INSR: variants seen among roughly 807,000 people sequenced by gnomAD.
INSR encodes the protein IR.
Under a neutral mutation model 142.6 loss-of-function variants are expected in INSR, and 67 were observed. The observed-to-expected ratio is 0.47, with a 90% CI of 0.39 to 0.58. The LOEUF (loss-of-function observed/expected upper bound fraction) is 0.58. INSR is among the 20% of genes least tolerant of loss of function. The probability of loss-of-function intolerance (pLI) is 0.00; values close to 1 mark genes in which losing one functional copy is unlikely to be tolerated. For synonymous variants in INSR, 756 were observed against 743.1 expected (o/e 1.02, Z -0.28); for missense variants, 1,248 against 1,833.2 (o/e 0.68, Z 5.83).
intron 2 of INSR, among the ~76,000 whole-genome samples, chr19:7,248,498 A>AG (rs1976602844): frequency 6.9e-6 from 1 of 144,108 alleles, no homozygotes; most frequent in Admixed American, 7.0e-5. Context: ...AAAAAAAAAA[A>AG]AAAAAAAAAA....
At chr19:7,188,223 A>G (rs1464067686) in intron 2 of INSR, among the ~76,000 whole-genome samples, 1 of 151,714 alleles carries the variant, frequency 6.6e-6, no homozygotes, top group African/African-American at 2.4e-5. Flanking sequence ...ATCTCATTAC[A>G]TTTTCCTTAT....
chr19:7,125,451 C>A lies in INSR; in HGVS notation c.3090G>T (p.Gly1030=). Residue 1030 remains glycine, a synonymous_variant, in exon 17 of 22, where the codon GGG becomes GGT. Coordinates refer to ENST00000302850, the MANE Select transcript of INSR (RefSeq NM_000208.4). The surrounding 1 kb of genome is among the most constrained non-coding windows in gnomAD (Gnocchi z 4.9). ...REKITLLREL[G]QGSFGMVYEG... Reference sequence around the variant, plus strand: ...CATACACCATGCCGAAGGAGCCCTGCCCCAGCTCTCGAAGGAGGGTGATCT... The same window carrying A: ...CATACACCATGCCGAAGGAGCCCTGACCCAGCTCTCGAAGGAGGGTGATCT... 2 of 1,614,138 alleles carry A rather than the reference C, an allele frequency of 1.2e-6. No individual in the cohort carries two copies. The highest frequency in any genetic ancestry group is 2.2e-5 in the East Asian group (1 of 44,878).
chr19:7,122,491 AAAAG>A (rs1331089790), intron 19 of INSR, 119 bp downstream of exon 19: 18 of 1,031,474 alleles, frequency 1.7e-5, no homozygotes, highest in Admixed American at 7.2e-5. Flanking sequence ...CCACAAAAAA[AAAAG>A]AAGTATCTTG....
At position 7,166,147 on chromosome 19, in the gene INSR, C is replaced by T; in HGVS notation, c.1861+7G>A. 6.2e-7 allele frequency: 1 copy of T among 1,613,978 alleles called. No individual in the cohort carries two copies. Among genetic ancestry groups the T allele is most frequent in the South Asian group, 1.1e-5 (1 of 91,078 alleles). On this transcript the variant is annotated splice_region_variant and intron_variant, in intron 8 of 21. Coordinates refer to ENST00000302850, the MANE Select transcript of INSR (RefSeq NM_000208.4). This position sits in a 1 kb window ranked among gnomAD's most constrained non-coding sequence, Gnocchi z 4.1. ...CATACGAATTCACATTCCCAAGACACACTCACTGGTGGCATCTGTCTGGAC... is the reference window on the plus strand; with the variant it reads ...CATACGAATTCACATTCCCAAGACATACTCACTGGTGGCATCTGTCTGGAC...
chr19:7,262,935 C>T (rs1977108288), intron 2 of INSR, among the ~76,000 whole-genome samples: 1 of 152,144 alleles, frequency 6.6e-6, no homozygotes, highest in East Asian at 1.9e-4. Flanking sequence ...GTGATGGTTG[C>T]AAAACCACGT....
chr19:7,182,384 A>G (rs1410545704), intron 3 of INSR, among the ~76,000 whole-genome samples: 1 of 151,932 alleles, frequency 6.6e-6, no homozygotes, highest in Non-Finnish European at 1.5e-5. Flanking sequence ...TTGCTGCCTC[A>G]CACCTGTAAT....
At chr19:7,137,617 GTCT>G (rs1394743008) in intron 13 of INSR, among the ~76,000 whole-genome samples, 10 of 151,780 alleles carry the variant, frequency 6.6e-5, no homozygotes, top group African/African-American at 2.4e-4. Flanking sequence ...GTGAAACCTC[GTCT>G]CCATTAAAAA....
chr19:7,196,061 G>T lies in INSR; in HGVS notation c.653-11424C>A, dbSNP rs567321396. Among the ~76,000 whole-genome samples, 3 of 151,620 alleles carry T rather than the reference G, an allele frequency of 2.0e-5. No individual in the cohort carries two copies. The East Asian group carries it at 5.8e-4, about 30-fold the overall frequency. ...AGCGAACCTCCTGCCTCAGCCTCCC[G>T]AGTAGCTGGGATTACAGGCATGTGC... On this transcript the variant is annotated intron_variant, in intron 2 of 21. Coordinates refer to ENST00000302850, the MANE Select transcript of INSR (RefSeq NM_000208.4).
chr19:7,172,472 A>T (rs769312609), intron 4 of INSR, 38 bp from the exon 5 acceptor site: 1 of 1,604,480 alleles, frequency 6.2e-7, no homozygotes, highest in Admixed American at 1.7e-5. Context: ...GTTTCTATAG[A>T]CATATTTCAA....
intron 2 of INSR, among the ~76,000 whole-genome samples, chr19:7,200,017 G>C (rs373146054): frequency 1.3e-5 from 2 of 152,082 alleles, no homozygotes; most frequent in Non-Finnish European, 2.9e-5. Flanking sequence ...TGAATCACTC[G>C]GGCTATGTTC....
At chr19:7,291,400 G>T (rs1300025497) in intron 1 of INSR, among the ~76,000 whole-genome samples, 2 of 152,228 alleles carry the variant, frequency 1.3e-5, no homozygotes, top group African/African-American at 2.4e-5. Context: ...TATATGCAAA[G>T]CGCATAGAAC....
intron 2 of INSR, among the ~76,000 whole-genome samples, chr19:7,204,010 G>A (rs1399247788): frequency 1.3e-5 from 2 of 152,054 alleles, no homozygotes; most frequent in African/African-American, 4.8e-5. Flanking sequence ...AGCCTCCTGA[G>A]TAGCTGGGAT....
Position 7,119,636 on chromosome 19 carries a change from ACACG to A in INSR, c.3660-57_3660-54del. The A allele has an allele frequency of 6.2e-7, 1 of 1,603,534 alleles. No homozygotes were observed. The highest frequency in any genetic ancestry group is 8.5e-7 in the Non-Finnish European group (1 of 1,174,622). On this transcript the variant is annotated intron_variant, in intron 20 of 21. Transcript: ENST00000302850. This position sits in a 1 kb window ranked among gnomAD's most constrained non-coding sequence, Gnocchi z 5.2. ...AAAGAAGCCATTTAGACACACACAC[ACACG>A]CGCGCGCGCAAACACACACACGCAA...
At position 7,117,010 on chromosome 19, in the gene INSR, A is replaced by T; in HGVS notation, c.*46T>A. On this transcript the variant is annotated 3_prime_UTR_variant, in exon 22 of 22. Coordinates refer to ENST00000302850, the MANE Select transcript of INSR (RefSeq NM_000208.4). Reference sequence around the variant, plus strand: ...TTCCAGAGGCTTTCAAACCAGAGGAAAGCGAAAATGGGAACCCCTGCCCGC... The same window carrying T: ...TTCCAGAGGCTTTCAAACCAGAGGATAGCGAAAATGGGAACCCCTGCCCGC... 1 of 1,457,074 alleles carries T rather than the reference A, an allele frequency of 6.9e-7. No individual in the cohort carries two copies. 90.3% of individuals were successfully genotyped at this position (1,457,074 alleles called of 1,614,324 possible).
intron 1 of INSR, among the ~76,000 whole-genome samples, chr19:7,283,590 C>T (rs1484811714): frequency 6.6e-6 from 1 of 152,132 alleles, no homozygotes; most frequent in Non-Finnish European, 1.5e-5. Context: ...CAGGCATGAG[C>T]CACCGTGCTC....
chr19:7,200,199 G>C (rs572335430), intron 2 of INSR, among the ~76,000 whole-genome samples: 30 of 152,268 alleles, frequency 2.0e-4, no homozygotes, highest in African/African-American at 7.2e-4. Context: ...ACATTTGGGG[G>C]TCATTTTTCT....
intron 2 of INSR, among the ~76,000 whole-genome samples, chr19:7,219,941 A>G (rs1600046105): frequency 1.3e-5 from 2 of 151,914 alleles, no homozygotes; most frequent in East Asian, 3.9e-4. Flanking sequence ...CACTCCCACT[A>G]AAGTCCCAGA....
intron 11 of INSR, among the ~76,000 whole-genome samples, chr19:7,149,038 C>T (rs911513985): frequency 6.6e-6 from 1 of 152,158 alleles, no homozygotes; most frequent in Non-Finnish European, 1.5e-5. Flanking sequence ...CAAGTGATTG[C>T]CCCGCCTGGG....
At chr19:7,208,351 C>G (rs1975175156) in intron 2 of INSR, among the ~76,000 whole-genome samples, 1 of 151,964 alleles carries the variant, frequency 6.6e-6, no homozygotes, top group Non-Finnish European at 1.5e-5. Flanking sequence ...TATCTTCCCT[C>G]TGGCCGTGTA....
Sources: allele counts gnomAD v4.1 joint callset (sites outside exome capture counted in the v4.1 genomes callset), GRCh38; gene constraint gnomAD v4.1.1; non-coding constraint Gnocchi (gnomAD v3.1); transcripts MANE v1.5; gene names NCBI Gene and HGNC (gene_info 2026-07-23, HGNC 2026-07-21).